LSAMP: variants seen among roughly 807,000 people sequenced by gnomAD.
LSAMP encodes the protein limbic system associated membrane protein.
A neutral mutation model predicts 38.6 loss-of-function variants in LSAMP; 7 were observed. The observed-to-expected ratio is 0.18, with a 90% CI of 0.10 to 0.34. LSAMP has a LOEUF of 0.34. Among genes scored for constraint, LSAMP ranks in the 10% least tolerant of loss-of-function variants. The pLI is 1.00. For synonymous variants in LSAMP, 154 were observed against 166.8 expected, an observed-to-expected ratio of 0.92 and a Z score of 0.59; for missense variants, 313 against 420.0, an observed-to-expected ratio of 0.75 and a Z score of 2.23.
At chr3:115,943,791 T>C (rs1938008490) in intron 3 of LSAMP, among the ~76,000 whole-genome samples, 1 of 152,174 alleles carries the variant, frequency 6.6e-6, no homozygotes, top group Non-Finnish European at 1.5e-5. Context: ...GGTAGGACCC[T>C]GGGTTATGAG....
intron 1 of LSAMP, among the ~76,000 whole-genome samples, chr3:116,097,189 A>G (rs1708242557): frequency 7.1e-6 from 1 of 140,372 alleles, no homozygotes; most frequent in African/African-American, 3.0e-5. Context: ...ATCATTACAG[A>G]TACCAAAAGC....
At chr3:116,118,605 T>C (rs908685589) in intron 1 of LSAMP, among the ~76,000 whole-genome samples, 4 of 152,200 alleles carry the variant, frequency 2.6e-5, no homozygotes, top group African/African-American at 9.7e-5. Context: ...GGATGTGTGT[T>C]TGATCCATCG....
At chr3:115,982,328 A>T (rs994551424) in intron 3 of LSAMP, among the ~76,000 whole-genome samples, 4 of 152,212 alleles carry the variant, frequency 2.6e-5, no homozygotes, top group African/African-American at 9.6e-5. Context: ...CGTTCCAGAG[A>T]TAAGCTTGCC....
At chr3:116,147,111 A>G (rs1205842712) in intron 1 of LSAMP, among the ~76,000 whole-genome samples, 2 of 151,876 alleles carry the variant, frequency 1.3e-5, no homozygotes, top group South Asian at 2.1e-4. Flanking sequence ...ATTTGAGCTG[A>G]AATTGCAGTC....
chr3:115,875,134 A>AT (rs1559862394), intron 3 of LSAMP, among the ~76,000 whole-genome samples: 1 of 152,110 alleles, frequency 6.6e-6, no homozygotes, highest in Non-Finnish European at 1.5e-5. Flanking sequence ...ACTACTTTCA[A>AT]TCCCAATCAC....
intron 2 of LSAMP, among the ~76,000 whole-genome samples, chr3:116,047,781 A>G (rs1941321285): frequency 6.6e-6 from 1 of 152,208 alleles, no homozygotes; most frequent in Non-Finnish European, 1.5e-5. Flanking sequence ...GACAGGTAAA[A>G]TTATATGTAT....
At position 116,444,392 on chromosome 3, in the gene LSAMP, AAC is replaced by A. The variant is rs202044043; in HGVS notation, c.155+483_155+484del. Reference sequence around the variant, plus strand: ...TGTGTGTGTGTGTGTTGGCATGAAAAACACACACACACACACACAGACACGGG... The same window carrying A: ...TGTGTGTGTGTGTGTTGGCATGAAAAACACACACACACACACAGACACGGG... On this transcript the variant is annotated intron_variant, in intron 1 of 6. Transcript: ENST00000490035. Among the ~76,000 whole-genome samples the A allele has an allele frequency of 6.1e-4, 88 of 144,328 alleles. 1 individual carries two copies. The highest frequency in any genetic ancestry group is 2.1e-3 in the African/African-American group (82 of 38,720). 94.7% of individuals were successfully genotyped at this position (144,328 alleles called of 152,430 possible).
At chr3:116,433,827 C>T (rs2049311983) in intron 1 of LSAMP, among the ~76,000 whole-genome samples, 1 of 152,126 alleles carries the variant, frequency 6.6e-6, no homozygotes, top group South Asian at 2.1e-4. Flanking sequence ...ACCCAGGATA[C>T]TGACCTCTTC....
At position 116,091,760 on chromosome 3, in the gene LSAMP, T is replaced by A. The variant is rs976515065; in HGVS notation, c.156-5204A>T. ...ATAGAATGTTGTCTTGAGGAACACA[T>A]GATGTTGCAAATAATTCCCAGGTTT... On this transcript the variant is annotated intron_variant, in intron 1 of 6. Coordinates refer to ENST00000490035, the MANE Select transcript of LSAMP (RefSeq NM_002338.5). Among the ~76,000 whole-genome samples, 5 of 152,186 alleles carry A rather than the reference T, an allele frequency of 3.3e-5. No homozygotes were observed. In the South Asian group the frequency reaches 1.0e-3, roughly 32 times the overall value.
chr3:116,228,078 G>A (rs1283410605), intron 1 of LSAMP, among the ~76,000 whole-genome samples: 1 of 151,946 alleles, frequency 6.6e-6, no homozygotes, highest in East Asian at 1.9e-4. Context: ...CCTTCTAATG[G>A]GAGAGAGGAA....
intron 2 of LSAMP, among the ~76,000 whole-genome samples, chr3:116,045,964 C>T (rs1185816892): frequency 6.6e-6 from 1 of 152,134 alleles, no homozygotes; most frequent in East Asian, 1.9e-4. Flanking sequence ...TCTGCCTAAC[C>T]TTGGAATAGA....
At chr3:116,246,520 G>A (rs2046607697) in intron 1 of LSAMP, among the ~76,000 whole-genome samples, 2 of 152,090 alleles carry the variant, frequency 1.3e-5, no homozygotes, top group African/African-American at 4.8e-5. Flanking sequence ...GACTATAGCA[G>A]GCAAATGCCA....
chr3:116,435,628 A>G (rs989893644), intron 1 of LSAMP, among the ~76,000 whole-genome samples: 5 of 152,196 alleles, frequency 3.3e-5, no homozygotes, highest in African/African-American at 4.8e-5. Context: ...CAGGAGCCAG[A>G]GCTGGATCTA....
At chr3:116,049,369 A>AT (rs1479378686) in intron 2 of LSAMP, among the ~76,000 whole-genome samples, 2 of 152,196 alleles carry the variant, frequency 1.3e-5, no homozygotes, top group Middle Eastern at 3.2e-3. Flanking sequence ...TAAGTGTGCC[A>AT]TTTTTCCCAG....
At chr3:116,331,417 C>T (rs532118527) in intron 1 of LSAMP, among the ~76,000 whole-genome samples, 1 of 152,194 alleles carries the variant, frequency 6.6e-6, no homozygotes, top group Non-Finnish European at 1.5e-5. Context: ...CAACAAACTC[C>T]AAGTAACTCA....
chr3:115,834,594 C>T (rs1054695808), intron 6 of LSAMP: 27 of 1,253,544 alleles, frequency 2.2e-5, no homozygotes, highest in Admixed American at 1.3e-4. Flanking sequence ...GGGTAAAACA[C>T]GTTCTAAAGG....
chr3:115,955,134 C>T (rs1938415198), intron 3 of LSAMP, among the ~76,000 whole-genome samples: 1 of 152,040 alleles, frequency 6.6e-6, no homozygotes. Flanking sequence ...CGGGGTTTCA[C>T]TGTGTTAGCC....
chr3:116,337,746 C>T (rs1307764127), intron 1 of LSAMP, among the ~76,000 whole-genome samples: 1 of 151,958 alleles, frequency 6.6e-6, no homozygotes, highest in Non-Finnish European at 1.5e-5. Context: ...AACACTCTTT[C>T]CAGATCCAAG....
intron 6 of LSAMP, among the ~76,000 whole-genome samples, chr3:115,821,413 G>C (rs2107466222): frequency 6.6e-6 from 1 of 152,294 alleles, no homozygotes; most frequent in South Asian, 2.1e-4. Flanking sequence ...CTACTTATAA[G>C]AGTTCATTTG....
Sources: gnomAD v4.1 joint callset for allele counts (sites outside exome capture counted in the v4.1 genomes callset) on GRCh38, gnomAD v4.1.1 for gene constraint, MANE v1.5 for transcripts, NCBI Gene and HGNC (gene_info 2026-07-23, HGNC 2026-07-21) for gene names.